The following MAP2 variants were observed in gnomAD, a reference collection of about 807,000 sequenced individuals.
The protein encoded by MAP2 is microtubule-associated protein 2.
Under a neutral mutation model 137.6 loss-of-function variants are expected in MAP2, and 14 were observed. The observed-to-expected ratio is 0.10, with a 90% CI of 0.07 to 0.16. The LOEUF (loss-of-function observed/expected upper bound fraction) is 0.16, where lower values mean the gene tolerates loss of function less well. Ranked by LOEUF, MAP2 falls within the 10% of genes least tolerant of loss-of-function variation. The probability of loss-of-function intolerance (pLI) is 1.00; values close to 1 mark genes in which losing one functional copy is unlikely to be tolerated. For missense variants in MAP2, 2,088 were observed against 2,191.5 expected (o/e 0.95, Z 0.94); for synonymous variants, 786 against 782.3 (o/e 1.00, Z -0.08).
intron 1 of MAP2, among the ~76,000 whole-genome samples, chr2:209,491,047 G>C (rs186131563): frequency 1.3e-3 from 196 of 152,152 alleles, no homozygotes; most frequent in Admixed American, 2.9e-3. Context: ...CACATAATCG[G>C]AAGTAAAACA....
chr2:209,531,619 T>C (rs1429995081), intron 2 of MAP2, among the ~76,000 whole-genome samples: 2 of 152,230 alleles, frequency 1.3e-5, no homozygotes, highest in African/African-American at 4.8e-5. Context: ...ATATGACTTA[T>C]TTGTCTGTGT....
rs2059871643 is a variant in MAP2 at position 209,695,148 on chromosome 2, G to T, written c.2978G>T (p.Gly993Val). 8 of 1,614,148 alleles carry T rather than the reference G, an allele frequency of 5.0e-6. No individual in the cohort carries two copies. The highest frequency in any genetic ancestry group is 6.8e-6 in the Non-Finnish European group (8 of 1,180,026). Residue 993 changes from glycine (G) to valine (V), a missense_variant, in exon 8 of 16, where the codon GGA (glycine) becomes GTA (valine). By Grantham distance (109) the Gly-to-Val change is moderately radical. Transcript: ENST00000682079. ...AGDEIETFGL[G>V]VTYEQALAKD... Reference sequence around the variant, plus strand: ...GATGAAATAGAAACATTCGGATTAGGAGTAACCTATGAGCAAGCTTTGGCC... The same window carrying T: ...GATGAAATAGAAACATTCGGATTAGTAGTAACCTATGAGCAAGCTTTGGCC...
intron 10 of MAP2, among the ~76,000 whole-genome samples, chr2:209,698,327 G>A (rs1265680307): frequency 6.6e-6 from 1 of 152,054 alleles, no homozygotes; most frequent in African/African-American, 2.4e-5. Context: ...ATTATACTAG[G>A]ATAATCTTAC....
intron 3 of MAP2, among the ~76,000 whole-genome samples, chr2:209,620,097 A>G (rs1235183662): frequency 6.6e-6 from 1 of 152,146 alleles, no homozygotes; most frequent in Non-Finnish European, 1.5e-5. Flanking sequence ...TACTCACATC[A>G]GGATTTGTGT....
chr2:209,651,824 G>A (rs988766358), intron 4 of MAP2, among the ~76,000 whole-genome samples: 15 of 152,078 alleles, frequency 9.9e-5, no homozygotes, highest in South Asian at 4.1e-4. Context: ...TAGAGAGAGC[G>A]GAGGATAGCA....
At chr2:209,554,412 G>C (rs989804820) in intron 2 of MAP2, among the ~76,000 whole-genome samples, 1 of 152,182 alleles carries the variant, frequency 6.6e-6, no homozygotes, top group African/African-American at 2.4e-5. Flanking sequence ...ACAGATGTAA[G>C]CATGGTACCA....
rs772151141 is a variant in MAP2, at chr2:209,653,295, T to C, written c.125T>C (p.Val42Ala). 2 of 1,614,120 alleles carry C rather than the reference T, an allele frequency of 1.2e-6. No homozygotes were observed. Among genetic ancestry groups the C allele is most frequent in the Non-Finnish European group, 1.7e-6 (2 of 1,180,020 alleles). Residue 42 changes from valine to alanine, a missense_variant, in exon 5 of 16, where the codon GTC becomes GCC. Coordinates refer to ENST00000682079, the MANE Select transcript of MAP2 (RefSeq NM_001375505.1). ...KDQGGAGEGL[V>A]RSANGFPYRE... is the part of the protein sequence containing the mutation. ...CAAGGCGGAGCAGGGGAAGGACTTG[T>C]CCGAAGCGCCAATGGATTCCCATAC...
intron 2 of MAP2, among the ~76,000 whole-genome samples, chr2:209,568,924 A>T (rs2073943143): frequency 6.6e-6 from 1 of 151,800 alleles, no homozygotes; most frequent in South Asian, 2.1e-4. Flanking sequence ...TTCTCTTGCA[A>T]ATATTGTTTG....
intron 7 of MAP2, among the ~76,000 whole-genome samples, chr2:209,686,537 A>G (rs918706817): frequency 2.0e-5 from 3 of 152,238 alleles, no homozygotes; most frequent in African/African-American, 7.2e-5. Flanking sequence ...ATGAAATTTT[A>G]AATTGATATC....
At chr2:209,677,606 A>T (rs2052534175) in intron 5 of MAP2, among the ~76,000 whole-genome samples, 1 of 152,090 alleles carries the variant, frequency 6.6e-6, no homozygotes. Context: ...TATTTCTGTT[A>T]GTCATTCACT....
chr2:209,494,981 C>T (rs2059576043), intron 1 of MAP2, among the ~76,000 whole-genome samples: 1 of 152,234 alleles, frequency 6.6e-6, no homozygotes, highest in Admixed American at 6.5e-5. Flanking sequence ...ATAATATATG[C>T]TGGCCATATA....
In MAP2 at chr2:209,671,783, A is replaced by AT. The variant is rs1296541983; in HGVS notation, c.263-6781dup. Among the ~76,000 whole-genome samples the AT allele has an allele frequency of 4.0e-5, 6 of 151,812 alleles. No homozygotes were observed. The East Asian group carries it at 9.7e-4, about 25-fold the overall frequency. On this transcript the variant is annotated intron_variant, in intron 5 of 15. Coordinates refer to ENST00000682079, the MANE Select transcript of MAP2 (RefSeq NM_001375505.1). Reference sequence around the variant, plus strand: ...CTCAAGCATATGCCAAGGTGCTTGGATTTTTTTTATTCACAGTCTAATTGG... The same window carrying AT: ...CTCAAGCATATGCCAAGGTGCTTGGATTTTTTTTTATTCACAGTCTAATTGG...
At chr2:209,676,767 ATATATC>A (rs2051906151) in intron 5 of MAP2, among the ~76,000 whole-genome samples, 2 of 84,570 alleles carry the variant, frequency 2.4e-5, no homozygotes, top group Non-Finnish European at 4.8e-5. Context: ...ATATATATAT[ATATATC>A]TCCCAATTTC....
At chr2:209,475,677 A>C (rs532688995) in intron 1 of MAP2, among the ~76,000 whole-genome samples, 1 of 152,240 alleles carries the variant, frequency 6.6e-6, no homozygotes, top group South Asian at 2.1e-4. Context: ...TATTTGAACT[A>C]CTGTTCTATT....
chr2:209,706,242 A>G (rs986644069), intron 12 of MAP2, among the ~76,000 whole-genome samples: 2 of 152,130 alleles, frequency 1.3e-5, no homozygotes, highest in African/African-American at 2.4e-5. Flanking sequence ...TTGATGGCCC[A>G]TTCATGAACT....
intron 1 of MAP2, among the ~76,000 whole-genome samples, chr2:209,424,639 A>G (rs1692030571): frequency 6.6e-6 from 1 of 152,230 alleles, no homozygotes; most frequent in Non-Finnish European, 1.5e-5. Context: ...AGTGGATTCT[A>G]CAAAGATAGT....
chr2:209,690,936 G>A (rs568085500), intron 7 of MAP2: 16 of 1,147,522 alleles, frequency 1.4e-5, no homozygotes, highest in Admixed American at 1.1e-4. Flanking sequence ...ACGCTATTTC[G>A]CTATTTCATC....
chr2:209,562,670 C>G (rs2072427222), intron 2 of MAP2, among the ~76,000 whole-genome samples: 1 of 151,866 alleles, frequency 6.6e-6, no homozygotes, highest in Admixed American at 6.6e-5. Flanking sequence ...ACACCCCAGC[C>G]TGGATGACAG....
chr2:209,684,893 T>C (rs2056398125), intron 7 of MAP2, among the ~76,000 whole-genome samples: 1 of 152,146 alleles, frequency 6.6e-6, no homozygotes. Flanking sequence ...TTAATATATC[T>C]CTCAACTCCA....
Sources: gnomAD v4.1 joint callset for allele counts (sites outside exome capture counted in the v4.1 genomes callset) on GRCh38, gnomAD v4.1.1 for gene constraint, MANE v1.5 for transcripts, NCBI Gene and HGNC (gene_info 2026-07-23, HGNC 2026-07-21) for gene names.